SLC24A2: variants seen among roughly 807,000 people sequenced by gnomAD.
SLC24A2 encodes the protein sodium/potassium/calcium exchanger 2.
In SLC24A2, 36 loss-of-function variants were observed where a neutral mutation model predicts 62.0. That is an observed-to-expected ratio of 0.58 (90% confidence interval 0.44 to 0.77). SLC24A2 has a LOEUF of 0.77. Ranked by LOEUF, SLC24A2 falls within the 30% of genes least tolerant of loss-of-function variation. The probability of loss-of-function intolerance (pLI) is 0.00; values close to 1 mark genes in which losing one functional copy is unlikely to be tolerated. For missense variants in SLC24A2, 846 were observed against 817.9 expected, an observed-to-expected ratio of 1.03 and a Z score of -0.42; for synonymous variants, 358 against 294.0, an observed-to-expected ratio of 1.22 and a Z score of -2.23.
chr9:19,610,927 C>T (rs1563996683), intron 4 of SLC24A2, among the ~76,000 whole-genome samples: 1 of 152,236 alleles, frequency 6.6e-6, no homozygotes, highest in Non-Finnish European at 1.5e-5. Flanking sequence ...GCCAAGCCTG[C>T]CCTGAGTCCT....
At chr9:19,765,719 G>A (rs957706032) in intron 2 of SLC24A2, among the ~76,000 whole-genome samples, 1 of 152,186 alleles carries the variant, frequency 6.6e-6, no homozygotes, top group African/African-American at 2.4e-5. Flanking sequence ...CTCTCGGGCT[G>A]ACCTTAACAT....
chr9:20,114,767 G>C, the SLC24A2 span, among the ~76,000 whole-genome samples: 3 of 152,100 alleles, frequency 2.0e-5, no homozygotes, highest in Non-Finnish European at 4.4e-5. Flanking sequence ...GTCACTATTT[G>C]AGGAACCAGG....
At chr9:20,060,439 G>T in the SLC24A2 span, among the ~76,000 whole-genome samples, 8 of 151,988 alleles carry the variant, frequency 5.3e-5, no homozygotes, top group Non-Finnish European at 1.2e-4. Flanking sequence ...ATATAAAAAG[G>T]ATTATTATTA....
chr9:20,144,422 C>T, the SLC24A2 span, among the ~76,000 whole-genome samples: 4 of 152,164 alleles, frequency 2.6e-5, no homozygotes, highest in South Asian at 4.1e-4. Flanking sequence ...TCTGTTAGCT[C>T]GCTCCGACCA....
intron 2 of SLC24A2, among the ~76,000 whole-genome samples, chr9:19,690,307 C>T (rs1820007032): frequency 6.6e-6 from 1 of 152,000 alleles, no homozygotes; most frequent in African/African-American, 2.4e-5. Context: ...GGGATGGATC[C>T]CACCCTCGGC....
At chr9:19,651,370 CAGAG>C (rs1323029729) in intron 2 of SLC24A2, among the ~76,000 whole-genome samples, 5 of 152,182 alleles carry the variant, frequency 3.3e-5, no homozygotes, top group East Asian at 1.9e-4. Context: ...ATATATGAAA[CAGAG>C]AGAAATTAGA....
the SLC24A2 span, among the ~76,000 whole-genome samples, chr9:19,865,263 G>A: frequency 6.6e-6 from 1 of 151,998 alleles, no homozygotes; most frequent in African/African-American, 2.4e-5. Context: ...ACTATCCAAA[G>A]TAATCTACAG....
the SLC24A2 span, among the ~76,000 whole-genome samples, chr9:19,962,120 T>G: frequency 6.6e-6 from 1 of 152,234 alleles, no homozygotes; most frequent in Non-Finnish European, 1.5e-5. Flanking sequence ...ATTCTCTCAT[T>G]CATTCCATGA....
intron 2 of SLC24A2, chr9:19,705,326 T>C (rs1315753454): frequency 6.5e-6 from 1 of 154,040 alleles, no homozygotes; most frequent in African/African-American, 2.4e-5. Flanking sequence ...AAAGATCAAC[T>C]GGTCCCAAAC....
At chr9:20,261,119 A>G in the SLC24A2 span, among the ~76,000 whole-genome samples, 1 of 152,066 alleles carries the variant, frequency 6.6e-6, no homozygotes, top group African/African-American at 2.4e-5. Context: ...CCGGGCAGTA[A>G]AGTGCTGGGA....
At chr9:19,820,040 T>A in the SLC24A2 span, among the ~76,000 whole-genome samples, 2 of 21,080 alleles carry the variant, frequency 9.5e-5, no homozygotes, top group Non-Finnish European at 2.5e-4. Flanking sequence ...TATATATATA[T>A]ACATATATAT....
the SLC24A2 span, among the ~76,000 whole-genome samples, chr9:20,152,966 G>A: frequency 1.3e-5 from 2 of 151,860 alleles, no homozygotes; most frequent in African/African-American, 4.8e-5. Context: ...TTTGTACGGT[G>A]CCTAGTACTA....
the SLC24A2 span, among the ~76,000 whole-genome samples, chr9:20,163,920 G>A: frequency 6.6e-6 from 1 of 152,136 alleles, no homozygotes; most frequent in Non-Finnish European, 1.5e-5. Context: ...GGGAAAACTG[G>A]CTAGCCATAT....
the SLC24A2 span, among the ~76,000 whole-genome samples, chr9:19,977,223 C>T: frequency 6.6e-6 from 1 of 151,552 alleles, no homozygotes; most frequent in Non-Finnish European, 1.5e-5. Flanking sequence ...ATAAAGGGTA[C>T]ATGTTAGCTC....
intron 2 of SLC24A2, among the ~76,000 whole-genome samples, chr9:19,715,066 C>G (rs931700668): frequency 6.6e-6 from 1 of 151,966 alleles, no homozygotes; most frequent in Non-Finnish European, 1.5e-5. Flanking sequence ...ACCACCACCA[C>G]CAAACACCGT....
the SLC24A2 span, among the ~76,000 whole-genome samples, chr9:20,154,383 G>A: frequency 4.6e-5 from 7 of 151,842 alleles, no homozygotes; most frequent in South Asian, 1.5e-3. Context: ...GTTGATTGGT[G>A]GGACAGATGA....
At chr9:20,215,766 G>A in the SLC24A2 span, among the ~76,000 whole-genome samples, 3 of 151,738 alleles carry the variant, frequency 2.0e-5, no homozygotes, top group Non-Finnish European at 4.4e-5. Context: ...ATCCACCCCT[G>A]AGGTAGAGAA....
the SLC24A2 span, among the ~76,000 whole-genome samples, chr9:19,921,913 A>C: frequency 2.6e-5 from 4 of 152,136 alleles, no homozygotes; most frequent in Non-Finnish European, 5.9e-5. Context: ...AGAGAGGGGG[A>C]AAGGGTTAAG....
chr9:19,545,819 T>C (rs945374082), intron 8 of SLC24A2, among the ~76,000 whole-genome samples: 13 of 152,202 alleles, frequency 8.5e-5, no homozygotes, highest in African/African-American at 2.9e-4. Flanking sequence ...TTTGTGTTTT[T>C]ACTAGAGACG....
Sources: gnomAD v4.1 joint callset for allele counts (sites outside exome capture counted in the v4.1 genomes callset) on GRCh38, gnomAD v4.1.1 for gene constraint, MANE v1.5 for transcripts, NCBI Gene and HGNC (gene_info 2026-07-23, HGNC 2026-07-21) for gene names.